Variants in SLC17A8 observed in about 807,000 individuals in gnomAD.
SLC17A8 encodes vesicular glutamate transporter 3.
In SLC17A8, 31 loss-of-function variants were observed where a neutral mutation model predicts 58.0. The ratio of observed to expected loss-of-function variants is 0.53; its 90% CI spans 0.40 to 0.72. The LOEUF (loss-of-function observed/expected upper bound fraction) is 0.72, where lower values mean the gene tolerates loss of function less well. Ranked by LOEUF, SLC17A8 falls within the 30% of genes least tolerant of loss-of-function variation. SLC17A8 has a pLI of 0.00. For synonymous variants in SLC17A8, 228 were observed against 249.0 expected (o/e 0.92, Z 0.79); for missense variants, 655 against 727.8 (o/e 0.90, Z 1.15).
At chr12:100,388,891 A>G (rs1050434036) in intron 2 of SLC17A8, among the ~76,000 whole-genome samples, 1 of 152,224 alleles carries the variant, frequency 6.6e-6, no homozygotes, top group Non-Finnish European at 1.5e-5. Flanking sequence ...TACTAAGACT[A>G]TAAGTCAAAC....
chr12:100,404,125 C>A lies in SLC17A8; in HGVS notation c.1141C>A (p.Gln381Lys), dbSNP rs1332925689. Reference sequence around the variant, plus strand: ...ATTGGCTGATTATTTAAGAAGCAGACAAATTTTAACCACAACTGCTGTCAG... The same window carrying A: ...ATTGGCTGATTATTTAAGAAGCAGAAAAATTTTAACCACAACTGCTGTCAG... Reference protein sequence around the residue: ...GQLADYLRSRQILTTTAVRKI... With the variant: ...GQLADYLRSRKILTTTAVRKI... Residue 381 changes from glutamine (Q) to lysine (K), a missense_variant, in exon 9 of 12, where the codon CAA becomes AAA. By Grantham distance (53) the Gln-to-Lys change is moderately conservative. Coordinates refer to ENST00000323346, the MANE Select transcript of SLC17A8 (RefSeq NM_139319.3). The A allele has an allele frequency of 1.2e-6, 2 of 1,614,158 alleles. No homozygotes were observed. The highest frequency in any genetic ancestry group is 1.6e-4 in the Middle Eastern group (1 of 6,062).
Position 100,401,106 on chromosome 12 carries a change from C to T in SLC17A8, c.677-671C>T, listed in dbSNP as rs560145022. ...TCCGCCTCACGGGTTCAAGCAATTC[C>T]CGTGCCTCAGCCGCCCAAGTAGCTG... On this transcript the variant is annotated intron_variant, in intron 5 of 11. Coordinates refer to ENST00000323346, the MANE Select transcript of SLC17A8 (RefSeq NM_139319.3). Among the ~76,000 whole-genome samples, 297 of 148,676 alleles carry T rather than the reference C, an allele frequency of 2.0e-3. 2 individuals carry two copies. Among genetic ancestry groups the T allele is most frequent in the Non-Finnish European group, 2.5e-3 (166 of 67,416 alleles).
At chr12:100,394,836 TAA>T (rs988123060) in intron 4 of SLC17A8, among the ~76,000 whole-genome samples, 8 of 147,724 alleles carry the variant, frequency 5.4e-5, no homozygotes, top group South Asian at 4.2e-4. Context: ...AGTATATATA[TAA>T]TATATATAGT....
At chr12:100,409,071 G>A (rs1481134878) in intron 9 of SLC17A8, among the ~76,000 whole-genome samples, 1 of 152,088 alleles carries the variant, frequency 6.6e-6, no homozygotes, top group East Asian at 1.9e-4. Flanking sequence ...TTTACGGTAA[G>A]TACTTCAGCT....
At chr12:100,386,413 G>A (rs541649807) in intron 2 of SLC17A8, among the ~76,000 whole-genome samples, 4 of 152,222 alleles carry the variant, frequency 2.6e-5, no homozygotes, top group South Asian at 2.1e-4. Context: ...TCTCTAGAGC[G>A]TGTTCATTTT....
chr12:100,385,911 A>C (rs934018826), intron 2 of SLC17A8, among the ~76,000 whole-genome samples: 9 of 151,826 alleles, frequency 5.9e-5, no homozygotes, highest in African/African-American at 1.7e-4. Flanking sequence ...TCTTTCCTTG[A>C]CTCTTCTAGC....
intron 9 of SLC17A8, chr12:100,410,751 G>C (rs1261666897): frequency 6.6e-6 from 1 of 152,230 alleles, no homozygotes; most frequent in African/African-American, 2.4e-5. Context: ...AGGGGAAAGT[G>C]GCAGTTGCAC....
intron 2 of SLC17A8, among the ~76,000 whole-genome samples, chr12:100,385,490 G>A (rs916900929): frequency 2.0e-5 from 3 of 151,988 alleles, no homozygotes; most frequent in Non-Finnish European, 2.9e-5. Context: ...TGTCCACCCC[G>A]GCCTCCCAAA....
intron 3 of SLC17A8, among the ~76,000 whole-genome samples, chr12:100,392,146 T>C (rs894127950): frequency 1.3e-5 from 2 of 152,282 alleles, no homozygotes; most frequent in East Asian, 3.9e-4. Context: ...GTATTTCCCA[T>C]ATGACTTTCC....
chr12:100,375,819 A>G (rs1952591085), intron 1 of SLC17A8, among the ~76,000 whole-genome samples: 1 of 152,134 alleles, frequency 6.6e-6, no homozygotes, highest in African/African-American at 2.4e-5. Context: ...TCATTGAACA[A>G]CCCTATGAGA....
At chr12:100,373,953 G>C (rs1490431668) in intron 1 of SLC17A8, among the ~76,000 whole-genome samples, 1 of 152,204 alleles carries the variant, frequency 6.6e-6, no homozygotes, top group Non-Finnish European at 1.5e-5. Context: ...CTCCATGTGA[G>C]AAGTGTTCTA....
At chr12:100,377,568 G>GATATATATATAT (rs1203225174) in intron 1 of SLC17A8, among the ~76,000 whole-genome samples, 2 of 121,308 alleles carry the variant, frequency 1.6e-5, no homozygotes, top group African/African-American at 7.6e-5. Context: ...ATGGCTTCAA[G>GATATATATATAT]ATATATATAT....
chr12:100,374,656 C>T (rs1952582099), intron 1 of SLC17A8, among the ~76,000 whole-genome samples: 1 of 151,950 alleles, frequency 6.6e-6, no homozygotes, highest in Non-Finnish European at 1.5e-5. Context: ...ACTCTGAGCC[C>T]CCTGCCTGGG....
intron 11 of SLC17A8, among the ~76,000 whole-genome samples, chr12:100,418,778 T>A (rs1339501175): frequency 7.2e-5 from 11 of 151,938 alleles, no homozygotes; most frequent in Admixed American, 7.2e-4. Context: ...GGGATTTTTT[T>A]CCCCCATCTA....
chr12:100,401,940 T>G, intron 6 of SLC17A8, 77 bp downstream of exon 6: 1 of 1,101,826 alleles, frequency 9.1e-7, no homozygotes, highest in South Asian at 1.2e-5. Flanking sequence ...TGGCTCAGAG[T>G]TCATTACATC....
intron 5 of SLC17A8, among the ~76,000 whole-genome samples, chr12:100,399,161 C>T (rs977213344): frequency 4.6e-5 from 7 of 152,062 alleles, no homozygotes; most frequent in Middle Eastern, 3.2e-3. Flanking sequence ...AGGGCCGAAC[C>T]GGGGGCTCTT....
intron 1 of SLC17A8, among the ~76,000 whole-genome samples, chr12:100,378,079 A>C (rs1008537205): frequency 2.6e-5 from 4 of 152,290 alleles, no homozygotes; most frequent in African/African-American, 7.2e-5. Context: ...GTTAGCATAT[A>C]CATGGTATCT....
At chr12:100,411,590 GCAGA>G (rs138662769) in intron 9 of SLC17A8, among the ~76,000 whole-genome samples, 13,471 of 152,176 alleles carry the variant, frequency 0.089, 744 homozygotes, top group South Asian at 0.18. Flanking sequence ...TCTGGAATCA[GCAGA>G]CAGTCTCCAA....
intron 9 of SLC17A8, among the ~76,000 whole-genome samples, chr12:100,409,521 C>G (rs1952851848): frequency 6.6e-6 from 1 of 152,138 alleles, no homozygotes; most frequent in Non-Finnish European, 1.5e-5. Flanking sequence ...ACATGCTAGA[C>G]AGACTCTGTG....
Sources: allele counts gnomAD v4.1 joint callset (sites outside exome capture counted in the v4.1 genomes callset), GRCh38; gene constraint gnomAD v4.1.1; transcripts MANE v1.5; gene names NCBI Gene and HGNC (gene_info 2026-07-23, HGNC 2026-07-21).